GNG12: variants seen among roughly 807,000 people sequenced by gnomAD.
The protein encoded by GNG12 is guanine nucleotide-binding protein G(I)/G(S)/G(O) subunit gamma-12.
For missense variants in GNG12, 69 were observed against 83.8 expected (o/e 0.82, Z 0.69); for synonymous variants, 28 against 29.7 (o/e 0.94, Z 0.19).
At chr1:67,773,693 G>A (rs1646687473) in intron 2 of GNG12, among the ~76,000 whole-genome samples, 2 of 152,172 alleles carry the variant, frequency 1.3e-5, no homozygotes, top group Non-Finnish European at 1.5e-5. Flanking sequence ...AGAATGACTT[G>A]AGAGTTGAGA....
At chr1:67,768,036 C>T (rs1043980117) in intron 2 of GNG12, among the ~76,000 whole-genome samples, 4 of 152,228 alleles carry the variant, frequency 2.6e-5, no homozygotes, top group Non-Finnish European at 5.9e-5. Context: ...TTCAGCCTAC[C>T]AATGAGCTGG....
At chr1:67,738,581 T>A (rs1211417293) in intron 2 of GNG12, among the ~76,000 whole-genome samples, 1 of 152,098 alleles carries the variant, frequency 6.6e-6, no homozygotes, top group East Asian at 1.9e-4. Flanking sequence ...CTAAAATGCA[T>A]CTCAAAGTTT....
At chr1:67,778,895 G>C (rs1646721755) in intron 1 of GNG12, among the ~76,000 whole-genome samples, 2 of 152,134 alleles carry the variant, frequency 1.3e-5, no homozygotes, top group African/African-American at 4.8e-5. Flanking sequence ...ATGGCAGATG[G>C]AACAGTTATT....
At chr1:67,817,409 A>C (rs939470430) in intron 1 of GNG12, among the ~76,000 whole-genome samples, 17 of 152,340 alleles carry the variant, frequency 1.1e-4, no homozygotes, top group South Asian at 4.1e-4. Context: ...TGGCAAGTTC[A>C]GAGAGGCAGT....
At chr1:67,742,338 A>G (rs746325369) in intron 2 of GNG12, among the ~76,000 whole-genome samples, 3 of 152,168 alleles carry the variant, frequency 2.0e-5, no homozygotes, top group Admixed American at 6.5e-5. Context: ...TTTAATAAAT[A>G]TATGTTGGTA....
intron 1 of GNG12, among the ~76,000 whole-genome samples, chr1:67,796,174 C>T (rs2100790000): frequency 6.6e-6 from 1 of 152,302 alleles, no homozygotes; most frequent in African/African-American, 2.4e-5. Flanking sequence ...GCAGGCTAAA[C>T]ATATCTATTT....
chr1:67,744,554 C>T (rs1646498410), intron 2 of GNG12, among the ~76,000 whole-genome samples: 1 of 152,188 alleles, frequency 6.6e-6, no homozygotes, highest in Non-Finnish European at 1.5e-5. Context: ...GGGCCCACGT[C>T]TTAGTGCAGC....
At chr1:67,799,218 T>C (rs904437364) in intron 1 of GNG12, among the ~76,000 whole-genome samples, 4 of 152,154 alleles carry the variant, frequency 2.6e-5, no homozygotes, top group African/African-American at 9.7e-5. Flanking sequence ...CTCTGTGTTG[T>C]TCGAGGGTCA....
intron 1 of GNG12, among the ~76,000 whole-genome samples, chr1:67,805,004 A>C (rs1646886980): frequency 6.6e-6 from 1 of 152,172 alleles, no homozygotes; most frequent in Non-Finnish European, 1.5e-5. Flanking sequence ...CTCAGAGGAA[A>C]CTATTTTTCC....
chr1:67,712,419 G>T (rs935413470), intron 2 of GNG12, among the ~76,000 whole-genome samples: 3 of 152,184 alleles, frequency 2.0e-5, no homozygotes, highest in African/African-American at 7.2e-5. Flanking sequence ...GGCTGGGCAC[G>T]ATGGCTCACA....
intron 1 of GNG12, among the ~76,000 whole-genome samples, chr1:67,810,908 A>C (rs1646920888): frequency 6.6e-6 from 1 of 152,214 alleles, no homozygotes; most frequent in South Asian, 2.1e-4. Flanking sequence ...AATGACACTG[A>C]ATTTATTACA....
At chr1:67,809,152 A>G (rs186866776) in intron 1 of GNG12, among the ~76,000 whole-genome samples, 18 of 152,302 alleles carry the variant, frequency 1.2e-4, no homozygotes, top group African/African-American at 4.3e-4. Context: ...GTCTTTGACA[A>G]AGAAGCAAAG....
chr1:67,777,849 T>C (rs1453931934), intron 1 of GNG12, among the ~76,000 whole-genome samples: 4 of 152,274 alleles, frequency 2.6e-5, no homozygotes, highest in Non-Finnish European at 2.9e-5. Context: ...GGCCCAGCCA[T>C]GGCCCTCTCT....
chr1:67,778,552 A>G (rs1646719493), intron 1 of GNG12, among the ~76,000 whole-genome samples: 1 of 152,258 alleles, frequency 6.6e-6, no homozygotes, highest in South Asian at 2.1e-4. Context: ...ACTTATATAT[A>G]GCACTTACTA....
At chr1:67,766,794 G>C (rs1646643082) in intron 2 of GNG12, among the ~76,000 whole-genome samples, 1 of 152,080 alleles carries the variant, frequency 6.6e-6, no homozygotes, top group African/African-American at 2.4e-5. Flanking sequence ...TCTACCCTGA[G>C]GATGGCATCT....
At chr1:67,763,118 A>AGAGAGAGG (rs1279246951) in intron 2 of GNG12, among the ~76,000 whole-genome samples, 1 of 151,696 alleles carries the variant, frequency 6.6e-6, no homozygotes, top group African/African-American at 2.4e-5. Flanking sequence ...AGAGAGAGAG[A>AGAGAGAGG]GAATCAATAT....
chr1:67,742,359 G>A (rs547104957), intron 2 of GNG12, among the ~76,000 whole-genome samples: 1 of 152,106 alleles, frequency 6.6e-6, no homozygotes, highest in South Asian at 2.1e-4. Context: ...TTTTCTAGAG[G>A]CAAGTTACTA....
At chr1:67,814,586 G>T (rs894073580) in intron 1 of GNG12, among the ~76,000 whole-genome samples, 1 of 152,168 alleles carries the variant, frequency 6.6e-6, no homozygotes, top group East Asian at 1.9e-4. Flanking sequence ...GTACCTGCCA[G>T]GAAACAGTTC....
intron 1 of GNG12, among the ~76,000 whole-genome samples, chr1:67,777,754 G>T (rs1176395052): frequency 6.6e-6 from 1 of 152,160 alleles, no homozygotes; most frequent in East Asian, 1.9e-4. Context: ...AACTATAAAT[G>T]GTAGTGTTTT....
Sources: gnomAD v4.1 joint callset for allele counts (sites outside exome capture counted in the v4.1 genomes callset) on GRCh38, gnomAD v4.1.1 for gene constraint, MANE v1.5 for transcripts, NCBI Gene and HGNC (gene_info 2026-07-23, HGNC 2026-07-21) for gene names.